Variants in TSHZ2 observed in about 807,000 individuals in gnomAD.
TSHZ2 encodes the protein teashirt homolog 2.
A neutral mutation model predicts 74.4 loss-of-function variants in TSHZ2; 21 were observed. That is an observed-to-expected ratio of 0.28 (90% CI 0.20 to 0.41). TSHZ2 has a LOEUF of 0.41. TSHZ2 is among the 10% of genes least tolerant of loss of function. TSHZ2 has a pLI of 1.00. For synonymous variants in TSHZ2, 540 were observed against 515.3 expected, an observed-to-expected ratio of 1.05 and a Z score of -0.65; for missense variants, 1,244 against 1,293.5, an observed-to-expected ratio of 0.96 and a Z score of 0.59.
intron 1 of TSHZ2, among the ~76,000 whole-genome samples, chr20:53,019,750 C>A (rs189696147): frequency 4.4e-4 from 67 of 152,252 alleles, no homozygotes; most frequent in Admixed American, 1.1e-3. Flanking sequence ...ACAATCTACT[C>A]GTAGAATTGT....
intron 2 of TSHZ2, among the ~76,000 whole-genome samples, chr20:53,323,827 C>T (rs1979383399): frequency 6.6e-6 from 1 of 152,098 alleles, no homozygotes; most frequent in Non-Finnish European, 1.5e-5. Context: ...ATCCACCCGC[C>T]CCGGCCTCCC....
At chr20:53,262,187 G>C (rs1453981085) in intron 2 of TSHZ2, among the ~76,000 whole-genome samples, 1 of 151,496 alleles carries the variant, frequency 6.6e-6, no homozygotes, top group Admixed American at 6.6e-5. Flanking sequence ...AAGTCATAAT[G>C]ATAAACAGTT....
At chr20:53,181,210 A>G (rs540633042) in intron 1 of TSHZ2, among the ~76,000 whole-genome samples, 1 of 152,268 alleles carries the variant, frequency 6.6e-6, no homozygotes, top group African/African-American at 2.4e-5. Context: ...CCATAGCTCC[A>G]GTCACTCTCT....
chr20:53,478,667 T>TAAA (rs1206059876), intron 2 of TSHZ2, among the ~76,000 whole-genome samples: 6 of 125,158 alleles, frequency 4.8e-5, no homozygotes, highest in African/African-American at 1.6e-4. Context: ...AAAAAATAAA[T>TAAA]AAAAAATAAA....
intron 1 of TSHZ2, among the ~76,000 whole-genome samples, chr20:53,092,009 G>A (rs1041276713): frequency 1.2e-4 from 19 of 152,176 alleles, no homozygotes; most frequent in African/African-American, 4.3e-4. Flanking sequence ...TTGCACCACT[G>A]TATTACAACC....
intron 1 of TSHZ2, among the ~76,000 whole-genome samples, chr20:53,011,955 A>G (rs2123001513): frequency 6.6e-6 from 1 of 152,258 alleles, no homozygotes; most frequent in South Asian, 2.1e-4. Context: ...AATTGCCACC[A>G]CATTACAGAT....
chr20:53,097,602 C>T (rs757869334), intron 1 of TSHZ2: 2 of 152,214 alleles, frequency 1.3e-5, no homozygotes, highest in Non-Finnish European at 1.5e-5. Flanking sequence ...TTGCTCCAAA[C>T]CTTGGCCTGC....
At chr20:53,370,921 T>C (rs1981445487) in intron 2 of TSHZ2, among the ~76,000 whole-genome samples, 1 of 152,150 alleles carries the variant, frequency 6.6e-6, no homozygotes, top group Non-Finnish European at 1.5e-5. Context: ...TTGTGGACGC[T>C]GGAGGTTGGA....
intron 2 of TSHZ2, among the ~76,000 whole-genome samples, chr20:53,444,755 AG>A (rs1265082744): frequency 6.6e-6 from 1 of 152,200 alleles, no homozygotes; most frequent in African/African-American, 2.4e-5. Flanking sequence ...CAAACCTCCC[AG>A]GGTGGTCTGC....
chr20:53,175,131 CTTTTTTTTTTTTT>C (rs750453219), intron 1 of TSHZ2, among the ~76,000 whole-genome samples: 40 of 63,644 alleles, frequency 6.3e-4, no homozygotes, highest in Admixed American at 1.3e-3. Flanking sequence ...CTTCTTCTTT[CTTTTTTTTTTTTT>C]TTTTTTTTTT....
chr20:53,017,617 G>A (rs1184056686), intron 1 of TSHZ2, among the ~76,000 whole-genome samples: 1 of 152,098 alleles, frequency 6.6e-6, no homozygotes, highest in Non-Finnish European at 1.5e-5. Flanking sequence ...CATGAAAGCA[G>A]TACACAATTA....
At chr20:53,205,960 C>T (rs537620773) in intron 1 of TSHZ2, among the ~76,000 whole-genome samples, 55 of 152,192 alleles carry the variant, frequency 3.6e-4, no homozygotes, top group Non-Finnish European at 6.6e-4. Flanking sequence ...GTGGCTCACA[C>T]CTGTAATCCT....
chr20:53,265,075 C>T (rs1990684972), intron 2 of TSHZ2, among the ~76,000 whole-genome samples: 1 of 151,976 alleles, frequency 6.6e-6, no homozygotes. Context: ...GGAGACACAG[C>T]TTGGGGAGCA....
In TSHZ2 at chr20:53,468,768, A is replaced by C. The variant is rs572351105; in HGVS notation, c.*9-18376A>C. Among the ~76,000 whole-genome samples, 8 of 150,660 alleles carry C rather than the reference A, an allele frequency of 5.3e-5. No individual in the cohort carries two copies. In the East Asian group the frequency reaches 1.2e-3, roughly 22 times the overall value. On this transcript the variant is annotated intron_variant, in intron 2 of 2. Transcript: ENST00000371497. ...GGCAGTGGGTCGTCTGGTTTGTGTC[A>C]TGAAACATACATCATGCATTTGAGA...
At chr20:53,485,725 GGAAAA>G (rs936225312) in intron 2 of TSHZ2, among the ~76,000 whole-genome samples, 2 of 151,864 alleles carry the variant, frequency 1.3e-5, no homozygotes, top group African/African-American at 2.4e-5. Context: ...AAAAAGCATG[GGAAAA>G]GAAAAGACTA....
intron 1 of TSHZ2, among the ~76,000 whole-genome samples, chr20:53,026,415 C>T (rs1035927654): frequency 2.0e-5 from 3 of 151,284 alleles, no homozygotes; most frequent in African/African-American, 7.3e-5. Flanking sequence ...TGCAGTGGCT[C>T]GATCTCGGTT....
At chr20:52,978,417 T>C (rs192948476) in intron 1 of TSHZ2, among the ~76,000 whole-genome samples, 1 of 152,328 alleles carries the variant, frequency 6.6e-6, no homozygotes, top group Non-Finnish European at 1.5e-5. Context: ...TCCATCACTG[T>C]ATTTATACTA....
chr20:53,271,206 A>G (rs534322616), intron 2 of TSHZ2, among the ~76,000 whole-genome samples: 11 of 152,218 alleles, frequency 7.2e-5, no homozygotes, highest in African/African-American at 2.6e-4. Context: ...GTGGGGAAAA[A>G]CATGGGTCCT....
chr20:53,388,663 T>C (rs1398022527), intron 2 of TSHZ2, among the ~76,000 whole-genome samples: 2 of 151,406 alleles, frequency 1.3e-5, no homozygotes, highest in Non-Finnish European at 1.5e-5. Flanking sequence ...CTGCAACCTC[T>C]GCCTCCCAGG....
Sources: gnomAD v4.1 joint callset for allele counts (sites outside exome capture counted in the v4.1 genomes callset) on GRCh38, gnomAD v4.1.1 for gene constraint, MANE v1.5 for transcripts, NCBI Gene and HGNC (gene_info 2026-07-23, HGNC 2026-07-21) for gene names.